E2F6: variants seen among roughly 807,000 people sequenced by gnomAD.
The protein encoded by E2F6 is E2F transcription factor 6.
In E2F6, 19 loss-of-function variants were observed where a neutral mutation model predicts 31.5. The ratio of observed to expected loss-of-function variants is 0.60; its 90% CI spans 0.42 to 0.89. The LOEUF is 0.89. E2F6 is among the 40% of genes least tolerant of loss of function. The pLI is 0.00. For missense variants in E2F6, 269 were observed against 341.6 expected (o/e 0.79, Z 1.67); for synonymous variants, 121 against 127.7 (o/e 0.95, Z 0.36).
intron 1 of E2F6, among the ~76,000 whole-genome samples, chr2:11,459,907 G>A (rs915835219): frequency 1.3e-5 from 2 of 152,080 alleles, no homozygotes; most frequent in Admixed American, 1.3e-4. Flanking sequence ...ATGATAAATA[G>A]GCAGATTGTT....
At chr2:11,458,317 C>G (rs1671540293) in intron 1 of E2F6, 1 of 1,551,654 alleles carries the variant, frequency 6.4e-7, no homozygotes, top group Non-Finnish European at 8.7e-7. Context: ...TCAGCTGAGC[C>G]TAGCCCAGCA....
chr2:11,461,452 A>G (rs1409464994), intron 1 of E2F6, among the ~76,000 whole-genome samples: 2 of 152,166 alleles, frequency 1.3e-5, no homozygotes, highest in Non-Finnish European at 2.9e-5. Flanking sequence ...CCTGGGTTCA[A>G]GTGATTCTTC....
rs1671078514 is a variant in E2F6, at chr2:11,451,710, C to T, written c.477G>A (p.Glu159=). The T allele has an allele frequency of 6.2e-7, 1 of 1,611,220 alleles. No individual in the cohort carries two copies. Among genetic ancestry groups the T allele is most frequent in the Non-Finnish European group, 8.5e-7 (1 of 1,178,372 alleles). Residue 159 remains glutamate, a synonymous_variant, in exon 4 of 7, where the codon GAG becomes GAA. Transcript: ENST00000381525. ...DLSAMEDALD[E]LIKDCAQQLF... ...GCTGCTGAGCACAATCCTTAATTAA[C>T]TCATCCAAAGCATCTTCCATTGCTG...
intron 1 of E2F6, among the ~76,000 whole-genome samples, chr2:11,465,390 T>C (rs555652349): frequency 3.3e-5 from 5 of 151,968 alleles, no homozygotes; most frequent in Admixed American, 6.6e-5. Context: ...GTGGGAAATA[T>C]AAAGCGTGGA....
In E2F6 at chr2:11,445,403, G is replaced by A. The variant is rs1670658391; in HGVS notation, c.*1074C>T. The A allele has an allele frequency of 1.3e-5, 2 of 152,586 alleles. No individual in the cohort carries two copies. The highest frequency in any genetic ancestry group is 2.4e-5 in the African/African-American group (1 of 41,418). The allele number at this position is 152,586 out of a possible 1,614,324, so 9.5% of individuals were successfully genotyped here. On this transcript the variant is annotated 3_prime_UTR_variant, in exon 7 of 7. Coordinates refer to ENST00000381525, the MANE Select transcript of E2F6 (RefSeq NM_198256.4). Reference sequence around the variant, plus strand: ...TCCCTCAAGGAGCTCACAGTCTAATGGTAAACTACAGAGTAAACTGAGGCA... The same window carrying A: ...TCCCTCAAGGAGCTCACAGTCTAATAGTAAACTACAGAGTAAACTGAGGCA...
intron 4 of E2F6, chr2:11,451,437 G>A: frequency 2.9e-6 from 1 of 344,844 alleles, no homozygotes; most frequent in Non-Finnish European, 5.1e-6. Context: ...AGCAACCTCG[G>A]CCTCCCAGAT....
intron 2 of E2F6, among the ~76,000 whole-genome samples, chr2:11,454,545 C>T (rs757751998): frequency 2.6e-5 from 4 of 152,062 alleles, no homozygotes; most frequent in Non-Finnish European, 5.9e-5. Flanking sequence ...CGGGGTTTCA[C>T]CATATTGGCC....
chr2:11,448,505 T>C (rs1418151756), intron 5 of E2F6, among the ~76,000 whole-genome samples: 4 of 152,158 alleles, frequency 2.6e-5, no homozygotes, highest in Non-Finnish European at 4.4e-5. Context: ...CCACACCTCA[T>C]TGTGATCTTA....
At chr2:11,461,841 A>G (rs1671800870) in intron 1 of E2F6, among the ~76,000 whole-genome samples, 2 of 152,254 alleles carry the variant, frequency 1.3e-5, no homozygotes, top group Admixed American at 6.5e-5. Flanking sequence ...TTCTTTCATC[A>G]CTTTGTCCAA....
At chr2:11,450,779 G>C (rs1671012901) in intron 4 of E2F6, among the ~76,000 whole-genome samples, 1 of 151,778 alleles carries the variant, frequency 6.6e-6, no homozygotes, top group South Asian at 2.1e-4. Flanking sequence ...TAATGTTGGT[G>C]CTTATTTTTT....
intron 1 of E2F6, among the ~76,000 whole-genome samples, chr2:11,462,232 A>T (rs1003219367): frequency 9.2e-5 from 14 of 152,222 alleles, no homozygotes; most frequent in African/African-American, 2.9e-4. Flanking sequence ...GATATAGAGT[A>T]GTCCACCCTT....
chr2:11,465,712 GGGA>G (rs1672149154), intron 1 of E2F6, 57 bp downstream of exon 1: 2 of 1,525,838 alleles, frequency 1.3e-6, no homozygotes, highest in East Asian at 4.9e-5. Flanking sequence ...CGGCGGCGCG[GGGA>G]GGAGGGGGCC....
chr2:11,456,176 T>C (rs1461793476), intron 2 of E2F6, among the ~76,000 whole-genome samples: 2 of 152,254 alleles, frequency 1.3e-5, no homozygotes, highest in African/African-American at 2.4e-5. Context: ...AAGTGGCTTA[T>C]GAATTTAATG....
rs375413383 is a variant in E2F6, at chr2:11,451,790, T to C, written c.397A>G (p.Asn133Asp). 2.5e-5 allele frequency: 40 copies of C among 1,608,754 alleles called. No homozygotes were observed. The highest frequency in any genetic ancestry group is 3.1e-5 in the Non-Finnish European group (37 of 1,176,814). ...HIRWIGSDLS[N>D]FGAVPQQKKL... is the part of the protein sequence containing the mutation. ...TTTTGTTGGGGAACTGCTCCAAAAT[T>C]GCTAAGATCAGATCCTCTTTAGAAG... Residue 133 changes from asparagine (N) to aspartate (D), a missense_variant, in exon 4 of 7, where the codon AAT becomes GAT. Transcript: ENST00000381525.
In E2F6 at chr2:11,465,835, C is replaced by G. The variant is rs557696088; in HGVS notation, c.45G>C (p.Leu15=). 17 of 1,592,200 alleles carry G rather than the reference C, an allele frequency of 1.1e-5. No individual in the cohort carries two copies. Among genetic ancestry groups the G allele is most frequent in the Middle Eastern group, 1.7e-4 (1 of 6,030 alleles). Residue 15 remains leucine (L), a synonymous_variant, in exon 1 of 7, where the codon CTG becomes CTC. Coordinates refer to ENST00000381525, the MANE Select transcript of E2F6 (RefSeq NM_198256.4). ...GGCGAACCGTCTCCTCCGTCGGGTCCAGGAGGAGACTGGGTAACTTCCTCG... is the reference window on the plus strand; with the variant it reads ...GGCGAACCGTCTCCTCCGTCGGGTCGAGGAGGAGACTGGGTAACTTCCTCG... The part of the protein sequence containing the change: ...RPARKLPSLL[L]DPTEETVRRR...
At chr2:11,454,487 G>A (rs1406396934) in intron 2 of E2F6, among the ~76,000 whole-genome samples, 1 of 151,892 alleles carries the variant, frequency 6.6e-6, no homozygotes, top group Non-Finnish European at 1.5e-5. Flanking sequence ...TGGGATTACA[G>A]GCATGCACCA....
At chr2:11,464,318 T>C (rs1178651167) in intron 1 of E2F6, among the ~76,000 whole-genome samples, 1 of 151,368 alleles carries the variant, frequency 6.6e-6, no homozygotes, top group Non-Finnish European at 1.5e-5. Context: ...ATTGAGACCA[T>C]CCTGGCTTAC....
At chr2:11,447,839 G>C (rs1462281509) in intron 5 of E2F6, 65 bp from the exon 6 acceptor site, 3 of 1,544,140 alleles carry the variant, frequency 1.9e-6, no homozygotes, top group Non-Finnish European at 2.6e-6. Context: ...TCACTCACTA[G>C]AACTGCAAAA....
chr2:11,458,667 G>A (rs898518265), intron 1 of E2F6, among the ~76,000 whole-genome samples: 1 of 152,244 alleles, frequency 6.6e-6, no homozygotes, highest in African/African-American at 2.4e-5. Flanking sequence ...TGAAGGCAAG[G>A]TGAGCAGTTA....
Sources: allele counts gnomAD v4.1 joint callset (sites outside exome capture counted in the v4.1 genomes callset), GRCh38; gene constraint gnomAD v4.1.1; transcripts MANE v1.5; gene names NCBI Gene and HGNC (gene_info 2026-07-23, HGNC 2026-07-21).